The following MAGI2 variants were observed in gnomAD, a reference collection of about 807,000 sequenced individuals.
MAGI2 encodes membrane-associated guanylate kinase, WW and PDZ domain-containing protein 2.
In MAGI2, 35 loss-of-function variants were observed where a neutral mutation model predicts 133.3. That is an observed-to-expected ratio of 0.26 (90% CI 0.20 to 0.35). The LOEUF (loss-of-function observed/expected upper bound fraction) is 0.35. Ranked by LOEUF, MAGI2 falls within the 10% of genes least tolerant of loss-of-function variation. The pLI, the probability that MAGI2 is intolerant of heterozygous loss-of-function variation, is 1.00. For synonymous variants in MAGI2, 729 were observed against 710.6 expected (o/e 1.03, Z -0.41); for missense variants, 1,636 against 1,863.4 (o/e 0.88, Z 2.25).
intron 6 of MAGI2, among the ~76,000 whole-genome samples, chr7:78,479,992 T>C (rs1792187646): frequency 1.3e-5 from 2 of 151,514 alleles, no homozygotes; most frequent in East Asian, 3.9e-4. Context: ...AGTAACAGAG[T>C]GGATATAACA....
At chr7:79,164,321 A>G (rs1012352905) in intron 1 of MAGI2, among the ~76,000 whole-genome samples, 1 of 152,076 alleles carries the variant, frequency 6.6e-6, no homozygotes, top group Non-Finnish European at 1.5e-5. Flanking sequence ...ATTATGTAAC[A>G]TAGAAGAAAA....
At chr7:78,125,309 T>A (rs1209584726) in intron 20 of MAGI2, among the ~76,000 whole-genome samples, 1 of 152,032 alleles carries the variant, frequency 6.6e-6, no homozygotes, top group Admixed American at 6.5e-5. Flanking sequence ...ATGTGATTAA[T>A]CAATATGGGG....
intron 6 of MAGI2, among the ~76,000 whole-genome samples, chr7:78,467,214 T>C (rs1413932149): frequency 1.3e-5 from 2 of 152,152 alleles, no homozygotes; most frequent in African/African-American, 4.8e-5. Flanking sequence ...CTAGTTTACA[T>C]TCGTTAAATT....
At chr7:78,341,097 G>A (rs1045978613) in intron 9 of MAGI2, among the ~76,000 whole-genome samples, 1 of 152,096 alleles carries the variant, frequency 6.6e-6, no homozygotes, top group East Asian at 1.9e-4. Flanking sequence ...CTGATAATAA[G>A]CAACTTCAGC....
chr7:79,364,941 A>G (rs991109274), intron 1 of MAGI2, among the ~76,000 whole-genome samples: 1 of 151,992 alleles, frequency 6.6e-6, no homozygotes, highest in Non-Finnish European at 1.5e-5. Flanking sequence ...GGTAAAACCC[A>G]TGTGAAAAGA....
intron 1 of MAGI2, among the ~76,000 whole-genome samples, chr7:79,357,600 C>G (rs906530541): frequency 1.3e-5 from 2 of 152,132 alleles, no homozygotes; most frequent in African/African-American, 4.8e-5. Context: ...AATGCGGAAA[C>G]TAAGAGAAGC....
Position 78,980,153 on chromosome 7 carries a change from A to T in MAGI2, c.418+26937T>A, listed in dbSNP as rs558133960. ...TGTATCATCCCAGGCAGGTTAGGAA[A>T]TCTCTCTGTTCTTTGTTTTTTTTTT... On this transcript the variant is annotated intron_variant, in intron 2 of 21. Transcript: ENST00000354212. Among the ~76,000 whole-genome samples the T allele has an allele frequency of 1.5e-4, 22 of 151,696 alleles. No homozygotes were observed. In the South Asian group the frequency reaches 4.6e-3, roughly 31 times the overall value.
chr7:78,825,425 G>T (rs578078158), intron 2 of MAGI2, among the ~76,000 whole-genome samples: 1 of 151,868 alleles, frequency 6.6e-6, no homozygotes, highest in Non-Finnish European at 1.5e-5. Context: ...GCAATTCTAG[G>T]GTAAGCTAAC....
rs534665963 is a variant in MAGI2 at position 78,188,610 on chromosome 7, G to T, written c.2270-2940C>A. Among the ~76,000 whole-genome samples the T allele has an allele frequency of 1.2e-3, 189 of 152,174 alleles. 3 individuals carry two copies. The highest frequency in any genetic ancestry group is 3.4e-3 in the Middle Eastern group (1 of 294). Reference sequence around the variant, plus strand: ...TTTAATATTTCACTAAAGTAAGATTGTGTTCCAGAGAACATACGTGGGGGG... The same window carrying T: ...TTTAATATTTCACTAAAGTAAGATTTTGTTCCAGAGAACATACGTGGGGGG... On this transcript the variant is annotated intron_variant, in intron 12 of 21. Coordinates refer to ENST00000354212, the MANE Select transcript of MAGI2 (RefSeq NM_012301.4).
chr7:78,655,515 A>C (rs1283605919), intron 2 of MAGI2, among the ~76,000 whole-genome samples: 2 of 150,770 alleles, frequency 1.3e-5, no homozygotes, highest in Non-Finnish European at 3.0e-5. Flanking sequence ...CTTACAGCAT[A>C]GAGAATACGT....
chr7:79,364,216 T>C (rs1158015185), intron 1 of MAGI2, among the ~76,000 whole-genome samples: 1 of 152,002 alleles, frequency 6.6e-6, no homozygotes, highest in East Asian at 1.9e-4. Flanking sequence ...AGAACAACCA[T>C]ATGATCCAGT....
chr7:78,812,897 A>C (rs57378888), intron 2 of MAGI2, among the ~76,000 whole-genome samples: 1 of 152,162 alleles, frequency 6.6e-6, no homozygotes, highest in African/African-American at 2.4e-5. Flanking sequence ...TGACCATTTC[A>C]TGACTTCCAG....
intron 2 of MAGI2, among the ~76,000 whole-genome samples, chr7:78,951,395 A>T (rs1801861854): frequency 6.6e-6 from 1 of 152,140 alleles, no homozygotes; most frequent in South Asian, 2.1e-4. Flanking sequence ...ATGGCTGGGG[A>T]GGTCTCAGGA....
At chr7:78,483,853 A>G (rs1042012027) in intron 6 of MAGI2, among the ~76,000 whole-genome samples, 4 of 151,990 alleles carry the variant, frequency 2.6e-5, no homozygotes, top group Admixed American at 2.0e-4. Flanking sequence ...TACAAAAACA[A>G]AATCAATTTT....
At chr7:78,402,624 C>A (rs1254889906) in intron 6 of MAGI2, among the ~76,000 whole-genome samples, 1 of 152,138 alleles carries the variant, frequency 6.6e-6, no homozygotes, top group Non-Finnish European at 1.5e-5. Context: ...TGGTTGGTTT[C>A]TTCCTAGGCT....
intron 6 of MAGI2, among the ~76,000 whole-genome samples, chr7:78,469,996 C>T (rs78682830): frequency 3.9e-5 from 6 of 152,220 alleles, no homozygotes; most frequent in East Asian, 3.9e-4. Flanking sequence ...CGCTAAATGC[C>T]GTAGACACAT....
chr7:78,150,431 G>A (rs921650715), intron 16 of MAGI2, among the ~76,000 whole-genome samples: 2 of 152,218 alleles, frequency 1.3e-5, no homozygotes, highest in Non-Finnish European at 2.9e-5. Flanking sequence ...TCCACCATGA[G>A]GCCCTGAATG....
intron 1 of MAGI2, among the ~76,000 whole-genome samples, chr7:79,086,991 AAG>A (rs1382311416): frequency 1.1e-4 from 16 of 151,932 alleles, no homozygotes; most frequent in Non-Finnish European, 1.8e-4. Flanking sequence ...CTAGAAATAA[AAG>A]AGTTATTTGT....
intron 12 of MAGI2, among the ~76,000 whole-genome samples, chr7:78,189,547 C>G (rs767118484): frequency 1.3e-5 from 2 of 152,102 alleles, no homozygotes; most frequent in Non-Finnish European, 2.9e-5. Flanking sequence ...GATGTCTTAC[C>G]ACAAAGGAGT....
Sources: allele counts gnomAD v4.1 joint callset (sites outside exome capture counted in the v4.1 genomes callset), GRCh38; gene constraint gnomAD v4.1.1; transcripts MANE v1.5; gene names NCBI Gene and HGNC (gene_info 2026-07-23, HGNC 2026-07-21).